ERAP2: variants seen among roughly 807,000 people sequenced by gnomAD.
The protein encoded by ERAP2 is leukocyte-derived arginine aminopeptidase.
Under a neutral mutation model 111.1 loss-of-function variants are expected in ERAP2, and 118 were observed. The observed-to-expected ratio is 1.06, with a 90% CI of 0.92 to 1.24. The LOEUF (loss-of-function observed/expected upper bound fraction) is 1.24. Among genes scored for constraint, ERAP2 ranks in the 50% most tolerant of loss-of-function variants. The probability of loss-of-function intolerance (pLI) is 0.00; values close to 1 mark genes in which losing one functional copy is unlikely to be tolerated. For missense variants in ERAP2, 1,131 were observed against 1,125.8 expected (o/e 1.00, Z -0.07); for synonymous variants, 410 against 401.2 (o/e 1.02, Z -0.26).
chr5:96,881,332 T>C, intron 2 of ERAP2: 1 of 441,660 alleles, frequency 2.3e-6, no homozygotes, highest in South Asian at 1.6e-5. Context: ...GCTTATGGAG[T>C]GAAACAATTG....
rs148456572 is a variant in ERAP2, at chr5:96,895,732, G to A, written c.1239+373G>A. Among the ~76,000 whole-genome samples the A allele has an allele frequency of 3.0e-3, 452 of 152,298 alleles. 2 individuals are homozygous for A. Among genetic ancestry groups the A allele is most frequent in the African/African-American group, 0.011 (437 of 41,580 alleles). On this transcript the variant is annotated intron_variant, in intron 7 of 18. Transcript: ENST00000437043. ...ACCTGAAATCAACATCATTGGGGGT[G>A]TACTTTTCTAGAATTTCCAAAGGGT...
intron 5 of ERAP2, among the ~76,000 whole-genome samples, chr5:96,891,535 TACACAC>T (rs140359623): frequency 0.018 from 2,489 of 138,938 alleles, 53 homozygotes; most frequent in African/African-American, 0.037. Context: ...ACGGTATATA[TACACAC>T]ACACACACAC....
chr5:96,898,488 T>C (rs145383834), intron 9 of ERAP2, among the ~76,000 whole-genome samples: 1,730 of 148,606 alleles, frequency 0.012, 35 homozygotes, highest in African/African-American at 0.041. Flanking sequence ...ATGCTTGTAA[T>C]CCCATCACTT....
At chr5:96,902,941 G>T in intron 12 of ERAP2, 1 of 154,572 alleles carries the variant, frequency 6.5e-6, no homozygotes, top group Admixed American at 6.4e-5. Context: ...GAGGTTTTCC[G>T]TCACAAAGTC....
At chr5:96,887,189 T>A (rs1022212349) in intron 4 of ERAP2, among the ~76,000 whole-genome samples, 1 of 151,246 alleles carries the variant, frequency 6.6e-6, no homozygotes, top group African/African-American at 2.4e-5. Context: ...TATCAAAATA[T>A]GCCATAAAAG....
At chr5:96,880,898 C>T (rs1783048783) in intron 2 of ERAP2, 1 of 159,948 alleles carries the variant, frequency 6.3e-6, no homozygotes, top group Admixed American at 5.8e-5. Flanking sequence ...AAACAAGGTG[C>T]AAGAAAGGTA....
intron 2 of ERAP2, 61 bp downstream of exon 2, chr5:96,880,321 C>G (rs1470958056): frequency 7.0e-7 from 1 of 1,432,032 alleles, no homozygotes; most frequent in African/African-American, 1.4e-5. Flanking sequence ...AGTTACATCT[C>G]TTTGCCAGGA....
At chr5:96,900,323 A>G in intron 10 of ERAP2, 134 bp downstream of exon 10, 1 of 1,353,114 alleles carries the variant, frequency 7.4e-7, no homozygotes, top group Non-Finnish European at 9.8e-7. Context: ...ATTTTCTCTA[A>G]AACAAAACTG....
At position 96,893,841 on chromosome 5, in the gene ERAP2, T is replaced by A. The variant is rs115302185; in HGVS notation, c.1125+1388T>A. The stretch of plus-strand genomic sequence containing the variant: ...CCAGCTCCTTTTTACCTCTCCATCC[T>A]CATCTCTTGCCTACACCTAAGCTTT... On this transcript the variant is annotated intron_variant, in intron 6 of 18. Coordinates refer to ENST00000437043, the MANE Select transcript of ERAP2 (RefSeq NM_022350.5). Among the ~76,000 whole-genome samples the A allele has an allele frequency of 2.7e-3, 410 of 152,290 alleles. 5 individuals are homozygous for A. Among genetic ancestry groups the A allele is most frequent in the African/African-American group, 9.2e-3 (384 of 41,562 alleles).
At chr5:96,881,715 A>G (rs572483470) in intron 2 of ERAP2, among the ~76,000 whole-genome samples, 1 of 152,208 alleles carries the variant, frequency 6.6e-6, no homozygotes, top group South Asian at 2.1e-4. Flanking sequence ...AATACTTGCA[A>G]GATGATTGCT....
rs36015159 is a variant in ERAP2 at position 96,917,905 on chromosome 5, C to CA, written c.*323dup. The CA allele has an allele frequency of 0.13, 6,351 of 49,140 alleles. 484 individuals carry two copies. The highest frequency in any genetic ancestry group is 0.18 in the African/African-American group (2,389 of 13,032). The allele number at this position is 49,140 out of a possible 1,614,324, so 3.0% of individuals were successfully genotyped here. The stretch of plus-strand genomic sequence containing the variant: ...TGGGTGACTGAGCGAGACTCTGTCT[C>CA]AAAAAAAAAAAAAAAAAAAAAAAGA... On this transcript the variant is annotated 3_prime_UTR_variant, in exon 19 of 19. Coordinates refer to ENST00000437043, the MANE Select transcript of ERAP2 (RefSeq NM_022350.5).
chr5:96,905,593 A>G lies in ERAP2; in HGVS notation c.2012+2033A>G, dbSNP rs115636016. ...TGCTTTATGAAACTTCAATTTAAGA[A>G]TTAAAGGAGGCCCGGCACAGTGGCT... On this transcript the variant is annotated intron_variant, in intron 13 of 18. Transcript: ENST00000437043. 1.8e-3 allele frequency among the ~76,000 whole-genome samples: 281 copies of G among 152,322 alleles called. 2 individuals are homozygous for G. Among genetic ancestry groups the G allele is most frequent in the Non-Finnish European group, 2.7e-3 (183 of 68,020 alleles).
In ERAP2 at chr5:96,879,898, T is replaced by C. The variant is rs759295580; in HGVS notation, c.213T>C (p.Ser71=). ...RFPWQELRLP[S]VVIPLHYDLF... ...CTTGGCAGGAGCTAAGGCTCCCCAG[T>C]GTGGTCATTCCTCTCCATTATGACC... The change falls in exon 2 of 19, where the codon AGT becomes AGC. Residue 71 remains serine, a synonymous_variant. Coordinates refer to ENST00000437043, the MANE Select transcript of ERAP2 (RefSeq NM_022350.5). 1 of 1,614,166 alleles carries C rather than the reference T, an allele frequency of 6.2e-7. No individual in the cohort carries two copies. The highest frequency in any genetic ancestry group is 8.5e-7 in the Non-Finnish European group (1 of 1,180,022).
chr5:96,881,933 C>T (rs1030148227), intron 2 of ERAP2, among the ~76,000 whole-genome samples: 4 of 152,042 alleles, frequency 2.6e-5, no homozygotes, highest in Non-Finnish European at 5.9e-5. Context: ...GACTTGTTGC[C>T]TTCCTGAATA....
chr5:96,905,299 C>T (rs938504372), intron 13 of ERAP2, among the ~76,000 whole-genome samples: 2 of 151,818 alleles, frequency 1.3e-5, no homozygotes, highest in African/African-American at 2.4e-5. Context: ...AAAATAAGTG[C>T]GAAGGGGAAA....
chr5:96,881,429 T>C (rs1783118623), intron 2 of ERAP2: 1 of 456,240 alleles, frequency 2.2e-6, no homozygotes, highest in Non-Finnish European at 4.4e-6. Flanking sequence ...GAATCAAGGA[T>C]GCTTCATAGA....
chr5:96,911,689 T>G (rs1786752972), intron 15 of ERAP2, among the ~76,000 whole-genome samples: 2 of 151,482 alleles, frequency 1.3e-5, no homozygotes, highest in African/African-American at 2.4e-5. Flanking sequence ...CTTGTCAACA[T>G]AGTGAGAGCC....
intron 13 of ERAP2, among the ~76,000 whole-genome samples, chr5:96,903,831 T>C (rs1374976120): frequency 6.6e-6 from 1 of 152,162 alleles, no homozygotes; most frequent in Non-Finnish European, 1.5e-5. Context: ...TTGGCAACTG[T>C]GGGTCTTTAT....
In ERAP2 at chr5:96,879,737, A is replaced by T. The variant is rs765995211; in HGVS notation, c.52A>T (p.Ile18Phe). ...TTCACACAGAAAACCAATGTTTAACATTCACAGAGGATTTTACTGCTTAAC... is the reference window on the plus strand; with the variant it reads ...TTCACACAGAAAACCAATGTTTAACTTTCACAGAGGATTTTACTGCTTAAC... ...VNSHRKPMFN[I>F]HRGFYCLTAI... Residue 18 changes from isoleucine to phenylalanine, a missense_variant, in exon 2 of 19, where the codon ATT (isoleucine) becomes TTT (phenylalanine). This residue lies in a region of ERAP2 where 847 missense variants were observed against 856.5 expected (regional missense o/e 0.99). Transcript: ENST00000437043. The T allele has an allele frequency of 1.2e-6, 2 of 1,614,196 alleles. No homozygotes were observed. The highest frequency in any genetic ancestry group is 2.2e-5 in the South Asian group (2 of 91,088).
Sources: allele counts gnomAD v4.1 joint callset (sites outside exome capture counted in the v4.1 genomes callset), GRCh38; gene constraint gnomAD v4.1.1; regional missense constraint gnomAD v4.1.1; transcripts MANE v1.5; gene names NCBI Gene and HGNC (gene_info 2026-07-23, HGNC 2026-07-21).